The following PRR5L variants were observed in gnomAD, a reference collection of about 807,000 sequenced individuals.
PRR5L encodes the protein proline rich 5 like.
PRR5L carries 21 observed loss-of-function variants against 36.4 expected under a neutral mutation model. The ratio of observed to expected loss-of-function variants is 0.58; its 90% CI spans 0.41 to 0.83. The LOEUF (loss-of-function observed/expected upper bound fraction) is 0.83. PRR5L is among the 40% of genes least tolerant of loss of function. The pLI is 0.00. For synonymous variants in PRR5L, 188 were observed against 197.0 expected (o/e 0.95, Z 0.38); for missense variants, 381 against 473.3 (o/e 0.80, Z 1.81).
intron 1 of PRR5L, among the ~76,000 whole-genome samples, chr11:36,388,799 C>T (rs1289515282): frequency 6.7e-6 from 1 of 148,488 alleles, no homozygotes; most frequent in African/African-American, 2.5e-5. Flanking sequence ...CCCGGATTCA[C>T]GCCATTCTCC....
intron 1 of PRR5L, among the ~76,000 whole-genome samples, chr11:36,319,956 T>C (rs953488494): frequency 6.6e-6 from 1 of 152,150 alleles, no homozygotes; most frequent in African/African-American, 2.4e-5. Flanking sequence ...AAAGAGGTTG[T>C]TTCTGTAGGG....
intron 1 of PRR5L, among the ~76,000 whole-genome samples, chr11:36,387,775 A>G (rs1299236383): frequency 6.6e-6 from 1 of 152,328 alleles, no homozygotes; most frequent in Non-Finnish European, 1.5e-5. Context: ...GCTCCACATA[A>G]AAGGTCTGAG....
At chr11:36,346,640 C>G (rs1017335721) in intron 1 of PRR5L, among the ~76,000 whole-genome samples, 2 of 151,412 alleles carry the variant, frequency 1.3e-5, no homozygotes, top group African/African-American at 4.9e-5. Flanking sequence ...GTGACAGAAA[C>G]CTGAAAACAA....
intron 5 of PRR5L, among the ~76,000 whole-genome samples, chr11:36,433,737 G>T (rs534047160): frequency 3.3e-5 from 5 of 152,228 alleles, no homozygotes; most frequent in African/African-American, 1.2e-4. Flanking sequence ...TTTAGTAGGC[G>T]TTTCACCATG....
At chr11:36,436,086 T>C (rs1232630370) in intron 5 of PRR5L, among the ~76,000 whole-genome samples, 1 of 152,240 alleles carries the variant, frequency 6.6e-6, no homozygotes, top group Non-Finnish European at 1.5e-5. Context: ...CCTTTCAAAA[T>C]CTGCACATCT....
At chr11:36,324,464 A>G (rs897323692) in intron 1 of PRR5L, among the ~76,000 whole-genome samples, 7 of 152,210 alleles carry the variant, frequency 4.6e-5, no homozygotes, top group African/African-American at 1.7e-4. Context: ...GGGTAGTGGT[A>G]ACATCTGGGT....
intron 1 of PRR5L, among the ~76,000 whole-genome samples, chr11:36,352,617 A>G (rs1856987270): frequency 6.6e-6 from 1 of 151,950 alleles, no homozygotes; most frequent in Non-Finnish European, 1.5e-5. Context: ...CAGTAATTAG[A>G]TCTCTGGATC....
chr11:36,434,613 T>C (rs1858567806), intron 5 of PRR5L, among the ~76,000 whole-genome samples: 1 of 152,188 alleles, frequency 6.6e-6, no homozygotes, highest in Non-Finnish European at 1.5e-5. Context: ...TACTTACCTA[T>C]ATACTTCTGG....
rs78731804 is a variant in PRR5L, at chr11:36,401,151, C to T, written c.30C>T (p.Pro10=). Residue 10 remains proline, a synonymous_variant, in exon 2 of 9, where the codon CCC becomes CCT. Coordinates refer to ENST00000530639, the MANE Select transcript of PRR5L (RefSeq NM_001160167.2). ...CCCGCGGCTTCGCTCCCATTCTGCCCGTCGAGTTCCACAAGATGGGCTCCT... is the reference window on the plus strand; with the variant it reads ...CCCGCGGCTTCGCTCCCATTCTGCCTGTCGAGTTCCACAAGATGGGCTCCT... MTRGFAPIL[P]VEFHKMGSFR... 102,577 of 1,614,010 alleles carry T rather than the reference C, an allele frequency of 0.064. 3,709 individuals are homozygous for T. The highest frequency in any genetic ancestry group is 0.13 in the East Asian group (5,893 of 44,854).
Position 36,311,269 on chromosome 11 carries a change from A to G in PRR5L, c.-126+14831A>G, listed in dbSNP as rs77253915. 3.8e-3 allele frequency among the ~76,000 whole-genome samples: 573 copies of G among 152,322 alleles called. 4 individuals are homozygous for G. The highest frequency in any genetic ancestry group is 5.5e-3 in the Non-Finnish European group (376 of 68,022). ...TTAGTAAAAACCTTAAAGAGGTAGAAGAAGAAATATCACCTCTTGGTGACA... is the reference window on the plus strand; with the variant it reads ...TTAGTAAAAACCTTAAAGAGGTAGAGGAAGAAATATCACCTCTTGGTGACA... On this transcript the variant is annotated intron_variant, in intron 1 of 8. Transcript: ENST00000530639.
intron 7 of PRR5L, among the ~76,000 whole-genome samples, chr11:36,450,989 C>T (rs1858932725): frequency 6.6e-6 from 1 of 152,244 alleles, no homozygotes; most frequent in African/African-American, 2.4e-5. Flanking sequence ...GTGGGAGAGG[C>T]TGCTGTGGTA....
intron 1 of PRR5L, chr11:36,380,382 G>GAA (rs1857347665): frequency 6.6e-6 from 1 of 151,918 alleles, no homozygotes; most frequent in South Asian, 2.1e-4. Flanking sequence ...GATGCCTTCT[G>GAA]CTGCCCGGTG....
At chr11:36,351,347 A>AT (rs1856945872) in intron 1 of PRR5L, among the ~76,000 whole-genome samples, 1 of 86,762 alleles carries the variant, frequency 1.2e-5, no homozygotes, top group African/African-American at 4.9e-5. Context: ...TTTATAATAT[A>AT]TAATAAATAT....
chr11:36,453,535 G>A (rs549402147), intron 8 of PRR5L, among the ~76,000 whole-genome samples: 1 of 152,204 alleles, frequency 6.6e-6, no homozygotes, highest in African/African-American at 2.4e-5. Flanking sequence ...GGGAGGGAAG[G>A]ATGTGACCCT....
intron 3 of PRR5L, among the ~76,000 whole-genome samples, chr11:36,410,628 C>T (rs762489209): frequency 4.6e-5 from 7 of 152,296 alleles, no homozygotes; most frequent in South Asian, 2.1e-4. Context: ...AAATGCTCTT[C>T]GTCAGTTTCC....
At position 36,377,254 on chromosome 11, in the gene PRR5L, C is replaced by G. The variant is rs1857281692; in HGVS notation, c.-125-23743C>G. On this transcript the variant is annotated intron_variant, in intron 1 of 8. Coordinates refer to ENST00000530639, the MANE Select transcript of PRR5L (RefSeq NM_001160167.2). The surrounding 1 kb of genome is among the most constrained non-coding windows in gnomAD (Gnocchi z 5.1). Reference sequence around the variant, plus strand: ...TCCCGTGCGCTGCTGCACGCGCGCGCTCTGCGGACTAGGGTGGGCCAGGGC... The same window carrying G: ...TCCCGTGCGCTGCTGCACGCGCGCGGTCTGCGGACTAGGGTGGGCCAGGGC... 6.6e-6 allele frequency among the ~76,000 whole-genome samples: 1 copy of G among 152,206 alleles called. No homozygotes were observed. The highest frequency in any genetic ancestry group is 1.5e-5 in the Non-Finnish European group (1 of 68,030).
chr11:36,387,134 A>G (rs574248314), intron 1 of PRR5L, among the ~76,000 whole-genome samples: 264 of 152,186 alleles, frequency 1.7e-3, no homozygotes, highest in Non-Finnish European at 3.2e-3. Context: ...TATATAATAC[A>G]TAGGGGAGTA....
rs541059726 is a variant in PRR5L, at chr11:36,394,225, G to A, written c.-125-6772G>A. Among the ~76,000 whole-genome samples the A allele has an allele frequency of 2.6e-5, 4 of 152,284 alleles. No homozygotes were observed. The East Asian group carries it at 7.7e-4, about 29-fold the overall frequency. On this transcript the variant is annotated intron_variant, in intron 1 of 8. Coordinates refer to ENST00000530639, the MANE Select transcript of PRR5L (RefSeq NM_001160167.2). Reference sequence around the variant, plus strand: ...GCAAATCCTAAATCACCTGCTCAATGCCCCACAGGAAGTGGTGACACCAGC... The same window carrying A: ...GCAAATCCTAAATCACCTGCTCAATACCCCACAGGAAGTGGTGACACCAGC...
intron 3 of PRR5L, among the ~76,000 whole-genome samples, chr11:36,414,653 T>G (rs1002842712): frequency 2.6e-4 from 38 of 143,938 alleles, no homozygotes; most frequent in Non-Finnish European, 4.6e-4. Context: ...TTTCTCCCAT[T>G]TTGTAGGTTG....
Sources: gnomAD v4.1 joint callset for allele counts (sites outside exome capture counted in the v4.1 genomes callset) on GRCh38, gnomAD v4.1.1 for gene constraint, Gnocchi (gnomAD v3.1) non-coding constraint, MANE v1.5 for transcripts, NCBI Gene and HGNC (gene_info 2026-07-23, HGNC 2026-07-21) for gene names.